The following SBF2 variants were observed in gnomAD, a reference collection of about 807,000 sequenced individuals.
SBF2 encodes SET binding factor 2, also known as myotubularin-related protein 13.
A neutral mutation model predicts 225.2 loss-of-function variants in SBF2; 112 were observed. The ratio of observed to expected loss-of-function variants is 0.50; its 90% CI spans 0.43 to 0.58. SBF2 has a LOEUF of 0.58. SBF2 is among the 20% of genes least tolerant of loss of function. The pLI, the probability that SBF2 is intolerant of heterozygous loss-of-function variation, is 0.00. For synonymous variants in SBF2, 763 were observed against 773.3 expected (o/e 0.99, Z 0.22); for missense variants, 1,996 against 2,206.2 (o/e 0.90, Z 1.91).
At chr11:9,922,938 C>T (rs1025090908) in intron 16 of SBF2, among the ~76,000 whole-genome samples, 2 of 152,208 alleles carry the variant, frequency 1.3e-5, no homozygotes, top group African/African-American at 4.8e-5. Flanking sequence ...CAATCTACAA[C>T]CCAAAGTATG....
At chr11:9,809,806 A>G (rs1254003716) in intron 30 of SBF2, among the ~76,000 whole-genome samples, 4 of 151,318 alleles carry the variant, frequency 2.6e-5, no homozygotes, top group Admixed American at 1.3e-4. Flanking sequence ...TCAGCCTCCC[A>G]AAGTGCTAGC....
At chr11:10,007,367 T>G (rs2134537508) in intron 6 of SBF2, among the ~76,000 whole-genome samples, 2 of 152,170 alleles carry the variant, frequency 1.3e-5, no homozygotes, top group East Asian at 3.9e-4. Flanking sequence ...AAAGTTTGAC[T>G]CCAAAACCCT....
chr11:10,220,569 C>T (rs1484523989), intron 1 of SBF2, among the ~76,000 whole-genome samples: 2 of 152,164 alleles, frequency 1.3e-5, no homozygotes, highest in African/African-American at 2.4e-5. Flanking sequence ...GGTATCCCTA[C>T]CTCCTGTTTC....
chr11:9,784,532 A>C, intron 37 of SBF2, 94 bp from the exon 38 acceptor site: 1 of 974,364 alleles, frequency 1.0e-6, no homozygotes, highest in Non-Finnish European at 1.6e-6. Flanking sequence ...TCAAGTCTCT[A>C]TTTCCCCTAG....
intron 1 of SBF2, among the ~76,000 whole-genome samples, chr11:10,199,905 CA>C (rs1339221144): frequency 6.6e-6 from 1 of 152,062 alleles, no homozygotes; most frequent in Non-Finnish European, 1.5e-5. Context: ...GAAGGCTTCT[CA>C]AAAAATTAAA....
chr11:9,858,593 G>A (rs1857489706), intron 17 of SBF2, among the ~76,000 whole-genome samples, 197 bp from the exon 18 acceptor site: 1 of 152,156 alleles, frequency 6.6e-6, no homozygotes, highest in Non-Finnish European at 1.5e-5. Flanking sequence ...ATCCTTGAGA[G>A]TCTCAGTCAC....
chr11:9,890,723 T>C (rs1860730608), intron 17 of SBF2, among the ~76,000 whole-genome samples: 2 of 152,166 alleles, frequency 1.3e-5, no homozygotes, highest in African/African-American at 4.8e-5. Flanking sequence ...AAAGAAGTAA[T>C]GGGACGGCTT....
chr11:10,040,730 G>A lies in SBF2; in HGVS notation c.279+2114C>T, dbSNP rs150181162. On this transcript the variant is annotated intron_variant, in intron 3 of 39. Coordinates refer to ENST00000256190, the MANE Select transcript of SBF2 (RefSeq NM_030962.4). Reference sequence around the variant, plus strand: ...GAAGCATATACTAAAGAATTTAGGTGTGTGTGTGTATGGGGGAGATGGGGA... The same window carrying A: ...GAAGCATATACTAAAGAATTTAGGTATGTGTGTGTATGGGGGAGATGGGGA... 2.6e-3 allele frequency among the ~76,000 whole-genome samples: 398 copies of A among 151,726 alleles called. 1 individual carries two copies. Among genetic ancestry groups the A allele is most frequent in the African/African-American group, 9.1e-3 (379 of 41,432 alleles).
At chr11:9,900,103 G>A (rs975092276) in intron 16 of SBF2, among the ~76,000 whole-genome samples, 5 of 150,368 alleles carry the variant, frequency 3.3e-5, no homozygotes, top group South Asian at 4.2e-4. Flanking sequence ...AGGGAATTCG[G>A]TATACAGCAT....
At chr11:9,858,138 T>C in intron 18 of SBF2, 88 bp downstream of exon 18, 2 of 1,457,854 alleles carry the variant, frequency 1.4e-6, no homozygotes, top group African/African-American at 1.4e-5. Flanking sequence ...AGGAAGTAGC[T>C]AGAGTTTTTT....
chr11:10,227,289 G>T (rs1958614695), intron 1 of SBF2, among the ~76,000 whole-genome samples: 1 of 152,060 alleles, frequency 6.6e-6, no homozygotes, highest in South Asian at 2.1e-4. Context: ...CACTCTGATG[G>T]TAGTTTCTTT....
Position 9,790,553 on chromosome 11 carries a change from T to C in SBF2, c.4698+3A>G, listed in dbSNP as rs1424532659. ...GTGAAACATAAATGATTTCTTACTC[T>C]ACCTCTATTTCCAATGGTGAATATA... On this transcript the variant is annotated splice_donor_region_variant and intron_variant, in intron 34 of 39. Transcript: ENST00000256190. 6.3e-7 allele frequency: 1 copy of C among 1,581,580 alleles called. No homozygotes were observed. The highest frequency in any genetic ancestry group is 8.7e-7 in the Non-Finnish European group (1 of 1,155,322).
At chr11:9,835,347 G>A (rs1363841025) in intron 26 of SBF2, among the ~76,000 whole-genome samples, 2 of 152,008 alleles carry the variant, frequency 1.3e-5, no homozygotes, top group Non-Finnish European at 2.9e-5. Context: ...TGCCTGGCAT[G>A]GTGGCTTACA....
rs755041498 is a variant in SBF2, at chr11:9,845,937, G to A, written c.2935-197C>T. Among the ~76,000 whole-genome samples, 163 of 152,254 alleles carry A rather than the reference G, an allele frequency of 1.1e-3. 1 individual carries two copies. Among genetic ancestry groups the A allele is most frequent in the Middle Eastern group, 6.8e-3 (2 of 294 alleles). ...TTTACTTGCCATAAATGGCTAGTTG[G>A]CAAGGAAAATCATGTATCTTCAAGT... On this transcript the variant is annotated intron_variant, in intron 23 of 39. Transcript: ENST00000256190.
chr11:10,299,626 G>C (rs531991856), intron 1 of SBF2, among the ~76,000 whole-genome samples: 27 of 152,132 alleles, frequency 1.8e-4, no homozygotes, highest in Non-Finnish European at 3.8e-4. Flanking sequence ...CCAAGTGTGG[G>C]CTCTTCTGAG....
rs1313875731 is a variant in SBF2, at chr11:10,120,301, T to G, written c.141+73601A>C. ...TAAGGCTGGATAATATTCTATTGAA[T>G]GTATATACCACATTTTCTTTATTCT... On this transcript the variant is annotated intron_variant, in intron 2 of 39. Transcript: ENST00000256190. Among the ~76,000 whole-genome samples, 7 of 152,342 alleles carry G rather than the reference T, an allele frequency of 4.6e-5. No homozygotes were observed. In the South Asian group the frequency reaches 8.3e-4, roughly 18 times the overall value.
chr11:9,980,366 C>A (rs1946900465), intron 13 of SBF2, among the ~76,000 whole-genome samples: 1 of 151,398 alleles, frequency 6.6e-6, no homozygotes, highest in African/African-American at 2.4e-5. Context: ...GAACTCCTAG[C>A]CCCAAGCAAT....
intron 2 of SBF2, among the ~76,000 whole-genome samples, chr11:10,055,874 A>G (rs757793134): frequency 1.1e-4 from 16 of 152,174 alleles, no homozygotes; most frequent in Non-Finnish European, 1.9e-4. Flanking sequence ...AGACTTTACC[A>G]TGATATAATC....
At chr11:10,235,452 G>A (rs950574982) in intron 1 of SBF2, among the ~76,000 whole-genome samples, 3 of 151,894 alleles carry the variant, frequency 2.0e-5, no homozygotes, top group Non-Finnish European at 2.9e-5. Flanking sequence ...GCTTGAACCC[G>A]GGAGGGAGAG....
Sources: allele counts gnomAD v4.1 joint callset (sites outside exome capture counted in the v4.1 genomes callset), GRCh38; gene constraint gnomAD v4.1.1; transcripts MANE v1.5; gene names NCBI Gene and HGNC (gene_info 2026-07-23, HGNC 2026-07-21).